ASPH: variants seen among roughly 807,000 people sequenced by gnomAD.
The protein encoded by ASPH is aspartyl/asparaginyl beta-hydroxylase.
A neutral mutation model predicts 118.4 loss-of-function variants in ASPH; 100 were observed. The observed-to-expected ratio is 0.84, with a 90% CI of 0.72 to 1.00. The LOEUF is 1.00. ASPH is among the 50% of genes least tolerant of loss of function. The probability of loss-of-function intolerance (pLI) is 0.00; values close to 1 mark genes in which losing one functional copy is unlikely to be tolerated. For missense variants in ASPH, 920 were observed against 919.5 expected (o/e 1.00, Z -0.01); for synonymous variants, 315 against 325.6 (o/e 0.97, Z 0.35).
chr8:61,562,080 G>A (rs1830135219), intron 18 of ASPH, among the ~76,000 whole-genome samples: 1 of 152,152 alleles, frequency 6.6e-6, no homozygotes, highest in Non-Finnish European at 1.5e-5. Context: ...TTCTTTTACA[G>A]AGGCGCTAAC....
chr8:61,576,066 G>C (rs1345411541), intron 16 of ASPH, among the ~76,000 whole-genome samples: 1 of 152,286 alleles, frequency 6.6e-6, no homozygotes, highest in African/African-American at 2.4e-5. Context: ...ATGTAGCCCT[G>C]TTTGGCATGC....
In ASPH at chr8:61,590,550, C is replaced by CTGTGTGTGTGTG. The variant is rs5891814; in HGVS notation, c.977-6533_977-6522dup. ...ATTAAATACGGACCTTAATTTAACT[C>CTGTGTGTGTGTG]TGTGTGTGTGTGTGTGTGTGTGTGT... On this transcript the variant is annotated intron_variant, in intron 14 of 24. Transcript: ENST00000379454. Among the ~76,000 whole-genome samples the CTGTGTGTGTGTG allele has an allele frequency of 2.8e-3, 413 of 146,788 alleles. 3 individuals are homozygous for CTGTGTGTGTGTG. Among genetic ancestry groups the CTGTGTGTGTGTG allele is most frequent in the African/African-American group, 0.01 (397 of 39,504 alleles).
intron 12 of ASPH, among the ~76,000 whole-genome samples, chr8:61,636,529 G>T (rs1857839293): frequency 6.6e-6 from 1 of 152,136 alleles, no homozygotes; most frequent in South Asian, 2.1e-4. Context: ...AGGCACTACA[G>T]GAGCCCAGCA....
intron 20 of ASPH, among the ~76,000 whole-genome samples, chr8:61,549,392 T>C (rs1453471719): frequency 6.6e-6 from 1 of 152,218 alleles, no homozygotes; most frequent in Non-Finnish European, 1.5e-5. Context: ...GGCTAAATCT[T>C]CTGAACTAGC....
intron 12 of ASPH, among the ~76,000 whole-genome samples, chr8:61,636,894 A>G (rs1471241107): frequency 6.6e-6 from 1 of 152,122 alleles, no homozygotes; most frequent in African/African-American, 2.4e-5. Context: ...CAGCCTTGCC[A>G]CACAGAGATG....
At chr8:61,644,478 A>G in intron 7 of ASPH, 122 bp downstream of exon 7, 1 of 674,416 alleles carries the variant, frequency 1.5e-6, no homozygotes, top group Non-Finnish European at 2.2e-6. Flanking sequence ...TAAAATTATT[A>G]ATTGCATATC....
At chr8:61,632,720 G>A (rs1282522819) in intron 13 of ASPH, 2 of 431,496 alleles carry the variant, frequency 4.6e-6, no homozygotes, top group Non-Finnish European at 9.1e-6. Context: ...CAAAACCTAA[G>A]GCATCCCACA....
chr8:61,699,584 G>C (rs1281787572), intron 1 of ASPH, among the ~76,000 whole-genome samples: 1 of 151,560 alleles, frequency 6.6e-6, no homozygotes, highest in African/African-American at 2.4e-5. Context: ...TCACCAGACA[G>C]TTGCAATGAG....
intron 3 of ASPH, among the ~76,000 whole-genome samples, chr8:61,669,197 C>A (rs892729853): frequency 6.6e-6 from 1 of 152,162 alleles, no homozygotes; most frequent in Non-Finnish European, 1.5e-5. Context: ...AATTGTAAAA[C>A]CCACTTTGTA....
intron 3 of ASPH, chr8:61,661,288 C>G (rs1816779666): frequency 6.6e-6 from 1 of 152,110 alleles, no homozygotes; most frequent in African/African-American, 2.4e-5. Flanking sequence ...AGTTTTTAAC[C>G]CCTGACTGAG....
In ASPH at chr8:61,644,695, T is replaced by C. The variant is rs923656818; in HGVS notation, c.620-63A>G. ...TACAAAATGGTATGTATATATCCCG[T>C]ATATGTACTCTGAATCTATGCTTAT... On this transcript the variant is annotated intron_variant, in intron 6 of 24. Coordinates refer to ENST00000379454, the MANE Select transcript of ASPH (RefSeq NM_004318.4). 2.8e-5 allele frequency: 34 copies of C among 1,226,454 alleles called. 1 individual carries two copies. The South Asian group carries it at 5.3e-4, about 19-fold the overall frequency. 76.0% of individuals were successfully genotyped at this position (1,226,454 alleles called of 1,614,324 possible).
chr8:61,642,857 G>GAAAA, intron 10 of ASPH, 31 bp downstream of exon 10: 8 of 1,049,842 alleles, frequency 7.6e-6, no homozygotes, highest in South Asian at 5.3e-5. Flanking sequence ...AAAAAAAAAA[G>GAAAA]AAAAAAAAAA....
chr8:61,617,865 G>A (rs888947754), intron 14 of ASPH, among the ~76,000 whole-genome samples: 3 of 150,338 alleles, frequency 2.0e-5, no homozygotes, highest in African/African-American at 7.4e-5. Context: ...CCAGGGAGGA[G>A]GAGGTTGCAG....
At chr8:61,686,161 G>A (rs762993136) in intron 1 of ASPH, among the ~76,000 whole-genome samples, 4 of 152,088 alleles carry the variant, frequency 2.6e-5, no homozygotes, top group Non-Finnish European at 5.9e-5. Flanking sequence ...AATGACAAAT[G>A]GCCATCAACT....
chr8:61,567,347 G>A (rs1832045624), intron 16 of ASPH, 29 bp from the exon 17 acceptor site: 2 of 1,595,824 alleles, frequency 1.3e-6, no homozygotes, highest in South Asian at 2.2e-5. Flanking sequence ...CTGGATAAAT[G>A]TCCCATGACT....
intron 3 of ASPH, among the ~76,000 whole-genome samples, chr8:61,668,992 T>A (rs1046900108): frequency 6.6e-6 from 1 of 152,208 alleles, no homozygotes; most frequent in Non-Finnish European, 1.5e-5. Flanking sequence ...CTCAGTCACA[T>A]AAAGGCTGGT....
At chr8:61,520,589 T>A (rs915611416) in intron 22 of ASPH, among the ~76,000 whole-genome samples, 2 of 152,248 alleles carry the variant, frequency 1.3e-5, no homozygotes, top group African/African-American at 4.8e-5. Flanking sequence ...TTAATGGAGT[T>A]CCCCAAATGA....
At chr8:61,603,333 A>G (rs540757424) in intron 14 of ASPH, among the ~76,000 whole-genome samples, 1 of 152,102 alleles carries the variant, frequency 6.6e-6, no homozygotes, top group Non-Finnish European at 1.5e-5. Flanking sequence ...TTAATTTGAA[A>G]TGGGACCTAA....
chr8:61,567,640 TTC>T (rs1266288998), intron 16 of ASPH, among the ~76,000 whole-genome samples: 1 of 152,214 alleles, frequency 6.6e-6, no homozygotes, highest in Non-Finnish European at 1.5e-5. Context: ...CAAGTTCCCG[TTC>T]TTTCATTAAT....
Sources: gnomAD v4.1 joint callset for allele counts (sites outside exome capture counted in the v4.1 genomes callset) on GRCh38, gnomAD v4.1.1 for gene constraint, MANE v1.5 for transcripts, NCBI Gene and HGNC (gene_info 2026-07-23, HGNC 2026-07-21) for gene names.